The following CTNND2 variants were observed in gnomAD, a reference collection of about 807,000 sequenced individuals.
CTNND2 encodes the protein catenin delta-2.
Under a neutral mutation model 144.4 loss-of-function variants are expected in CTNND2, and 22 were observed. The ratio of observed to expected loss-of-function variants is 0.15; its 90% CI spans 0.11 to 0.22. The LOEUF is 0.22. CTNND2 is among the 10% of genes least tolerant of loss of function. The pLI is 1.00. For missense variants in CTNND2, 1,353 were observed against 1,618.8 expected (o/e 0.84, Z 2.82); for synonymous variants, 751 against 695.6 (o/e 1.08, Z -1.25).
chr5:11,381,930 G>A (rs1239300925), intron 7 of CTNND2, among the ~76,000 whole-genome samples: 1 of 152,048 alleles, frequency 6.6e-6, no homozygotes, highest in Non-Finnish European at 1.5e-5. Context: ...TCACGCCACG[G>A]CACTCTAGCC....
At chr5:11,414,661 G>A (rs911881595) in intron 3 of CTNND2, among the ~76,000 whole-genome samples, 1 of 152,138 alleles carries the variant, frequency 6.6e-6, no homozygotes, top group African/African-American at 2.4e-5. Context: ...GTAAACTCAT[G>A]TCATGGGGGT....
intron 2 of CTNND2, among the ~76,000 whole-genome samples, chr5:11,610,398 C>A (rs1032360481): frequency 3.3e-5 from 5 of 152,102 alleles, no homozygotes; most frequent in African/African-American, 1.2e-4. Context: ...TTTTCACAAC[C>A]CTGTAAGGCA....
chr5:11,163,297 C>T (rs982066512), intron 11 of CTNND2, among the ~76,000 whole-genome samples: 6 of 152,162 alleles, frequency 3.9e-5, no homozygotes, highest in African/African-American at 1.4e-4. Flanking sequence ...CCTCAGGCAG[C>T]CTTATAGAGA....
At chr5:11,842,750 T>A (rs1794537919) in intron 1 of CTNND2, among the ~76,000 whole-genome samples, 1 of 152,076 alleles carries the variant, frequency 6.6e-6, no homozygotes, top group Admixed American at 6.5e-5. Flanking sequence ...CTGTCTCTTT[T>A]ATAATTTTTA....
At chr5:11,082,949 G>T in intron 15 of CTNND2, 103 bp from the exon 16 acceptor site, 1 of 1,299,432 alleles carries the variant, frequency 7.7e-7, no homozygotes, top group Admixed American at 2.3e-5. Flanking sequence ...AGCCAAAAAG[G>T]TTGAATTACC....
chr5:11,389,912 T>A (rs998025709), intron 6 of CTNND2, among the ~76,000 whole-genome samples: 2 of 152,230 alleles, frequency 1.3e-5, no homozygotes, highest in Non-Finnish European at 2.9e-5. Context: ...AAACTTACCT[T>A]CAGGCTATGA....
At chr5:11,186,147 C>T (rs1413169613) in intron 11 of CTNND2, among the ~76,000 whole-genome samples, 1 of 152,196 alleles carries the variant, frequency 6.6e-6, no homozygotes, top group African/African-American at 2.4e-5. Flanking sequence ...ACGTCACCAG[C>T]CCTAATGATC....
At chr5:11,425,907 G>A (rs1051195689) in intron 3 of CTNND2, among the ~76,000 whole-genome samples, 11 of 152,098 alleles carry the variant, frequency 7.2e-5, no homozygotes, top group Non-Finnish European at 1.5e-4. Context: ...ACCCTGCTAC[G>A]TCAGTTTCGC....
At chr5:11,200,553 A>G (rs112250137) in intron 10 of CTNND2, among the ~76,000 whole-genome samples, 242 of 152,356 alleles carry the variant, frequency 1.6e-3, no homozygotes, top group African/African-American at 5.4e-3. Flanking sequence ...ACCGTTCTTC[A>G]GGGATCGAAG....
intron 16 of CTNND2, among the ~76,000 whole-genome samples, chr5:11,041,653 T>C (rs1744709006): frequency 6.6e-6 from 1 of 152,122 alleles, no homozygotes; most frequent in Non-Finnish European, 1.5e-5. Context: ...AAACTGAGGA[T>C]AGGATGATAG....
chr5:10,993,117 C>A (rs1738894051), intron 18 of CTNND2, among the ~76,000 whole-genome samples: 1 of 152,152 alleles, frequency 6.6e-6, no homozygotes, highest in South Asian at 2.1e-4. Flanking sequence ...CAACCAGAAT[C>A]CAGGGCAGCG....
At chr5:11,570,364 C>T (rs1173950036) in intron 2 of CTNND2, among the ~76,000 whole-genome samples, 3 of 152,158 alleles carry the variant, frequency 2.0e-5, no homozygotes, top group Non-Finnish European at 4.4e-5. Flanking sequence ...CATTCTCCTA[C>T]TTTATTTCCT....
chr5:11,652,170 T>A (rs910907602), intron 2 of CTNND2, among the ~76,000 whole-genome samples: 1 of 152,190 alleles, frequency 6.6e-6, no homozygotes, highest in Non-Finnish European at 1.5e-5. Context: ...GGAGATGGAC[T>A]TCCCCCGTGC....
Position 11,611,780 on chromosome 5 carries a change from T to C in CTNND2, c.175-46724A>G, listed in dbSNP as rs1171000846. Among the ~76,000 whole-genome samples, 4 of 152,092 alleles carry C rather than the reference T, an allele frequency of 2.6e-5. No homozygotes were observed. In the East Asian group the frequency reaches 7.7e-4, roughly 29 times the overall value. Reference sequence around the variant, plus strand: ...ACAACAGAGTGCAGACTGGACTCCATCTCAAAAAAATAAAAGTTTTTTCTT... The same window carrying C: ...ACAACAGAGTGCAGACTGGACTCCACCTCAAAAAAATAAAAGTTTTTTCTT... On this transcript the variant is annotated intron_variant, in intron 2 of 21. Transcript: ENST00000304623.
intron 9 of CTNND2, among the ~76,000 whole-genome samples, chr5:11,332,224 G>T (rs1753230237): frequency 6.6e-6 from 1 of 150,462 alleles, no homozygotes; most frequent in Non-Finnish European, 1.5e-5. Context: ...TCGGTGAGTG[G>T]AGATCGCGCC....
chr5:11,447,700 G>C (rs771808626), intron 3 of CTNND2, among the ~76,000 whole-genome samples: 1 of 152,148 alleles, frequency 6.6e-6, no homozygotes, highest in Non-Finnish European at 1.5e-5. Flanking sequence ...GATGGGGGCT[G>C]TGTACACAAG....
At chr5:11,796,583 C>T (rs1443426261) in intron 1 of CTNND2, among the ~76,000 whole-genome samples, 4 of 129,336 alleles carry the variant, frequency 3.1e-5, no homozygotes, top group Non-Finnish European at 3.4e-5. Context: ...CTTCTTATAG[C>T]TTTCCTTCAA....
intron 9 of CTNND2, among the ~76,000 whole-genome samples, chr5:11,305,860 C>G (rs565756154): frequency 5.3e-5 from 8 of 152,154 alleles, no homozygotes; most frequent in Non-Finnish European, 8.8e-5. Flanking sequence ...GGGAGAATGT[C>G]CTAGGCAGAG....
intron 13 of CTNND2, among the ~76,000 whole-genome samples, chr5:11,116,842 G>C (rs1314047852): frequency 1.3e-5 from 2 of 152,122 alleles, no homozygotes; most frequent in East Asian, 1.9e-4. Flanking sequence ...CGGATCACTT[G>C]AGGTCAGGTG....
Sources: gnomAD v4.1 joint callset for allele counts (sites outside exome capture counted in the v4.1 genomes callset) on GRCh38, gnomAD v4.1.1 for gene constraint, MANE v1.5 for transcripts, NCBI Gene and HGNC (gene_info 2026-07-23, HGNC 2026-07-21) for gene names.